Variants in EPB41L4A observed in about 807,000 individuals in gnomAD.
EPB41L4A encodes the protein band 4.1-like protein 4A.
Under a neutral mutation model 108.6 loss-of-function variants are expected in EPB41L4A, and 100 were observed. The ratio of observed to expected loss-of-function variants is 0.92; its 90% CI spans 0.78 to 1.09. The LOEUF is 1.09. EPB41L4A is among the 50% of genes least tolerant of loss of function. The pLI is 0.00. For missense variants in EPB41L4A, 1,030 were observed against 842.7 expected, an observed-to-expected ratio of 1.22 and a Z score of -2.75; for synonymous variants, 319 against 289.0, an observed-to-expected ratio of 1.10 and a Z score of -1.05.
intron 14 of EPB41L4A, 147 bp from the exon 15 acceptor site, chr5:112,204,635 T>A: frequency 2.0e-6 from 1 of 498,658 alleles, no homozygotes; most frequent in South Asian, 3.5e-5. Context: ...TGACAAGATT[T>A]ATTAAAAGAA....
chr5:112,409,061 CCAAA>C (rs1234274333), intron 1 of EPB41L4A, among the ~76,000 whole-genome samples: 26 of 152,100 alleles, frequency 1.7e-4, no homozygotes, highest in African/African-American at 6.3e-4. Flanking sequence ...TTTGTAATAG[CCAAA>C]CAGTGTAAAG....
intron 18 of EPB41L4A, among the ~76,000 whole-genome samples, chr5:112,180,953 G>A (rs1210506493): frequency 6.6e-6 from 1 of 152,098 alleles, no homozygotes; most frequent in Non-Finnish European, 1.5e-5. Flanking sequence ...ACAAAAATGT[G>A]GTTATCATCA....
chr5:112,333,511 A>G (rs950880787), intron 1 of EPB41L4A, among the ~76,000 whole-genome samples: 1 of 152,210 alleles, frequency 6.6e-6, no homozygotes, highest in Admixed American at 6.5e-5. Context: ...AAGCAGAGAC[A>G]ATCCAGGATG....
At chr5:112,271,868 T>C (rs982470008) in intron 4 of EPB41L4A, among the ~76,000 whole-genome samples, 4 of 152,170 alleles carry the variant, frequency 2.6e-5, no homozygotes, top group African/African-American at 9.7e-5. Context: ...AGCTGGCTGA[T>C]GTGTCAGAAA....
intron 18 of EPB41L4A, among the ~76,000 whole-genome samples, chr5:112,180,337 T>A (rs1199340897): frequency 6.6e-6 from 1 of 152,178 alleles, no homozygotes; most frequent in Non-Finnish European, 1.5e-5. Flanking sequence ...CAAGTCTTAC[T>A]ATAAAGCTAC....
chr5:112,369,656 T>C (rs1196836726), intron 1 of EPB41L4A, among the ~76,000 whole-genome samples: 1 of 152,222 alleles, frequency 6.6e-6, no homozygotes, highest in Non-Finnish European at 1.5e-5. Context: ...ATTGTATAAC[T>C]GCAGAAATGG....
Position 112,291,978 on chromosome 5 carries a change from C to T in EPB41L4A, c.205-11655G>A, listed in dbSNP as rs115357055. Among the ~76,000 whole-genome samples, 647 of 152,354 alleles carry T rather than the reference C, an allele frequency of 4.2e-3. 6 individuals are homozygous for T. Among genetic ancestry groups the T allele is most frequent in the African/African-American group, 0.015 (610 of 41,586 alleles). The stretch of plus-strand genomic sequence containing the variant: ...CAGGCCTCGGCCAGGAGCAGTGGCT[C>T]ACACCTGTAATTACATGGGTAGAGA... On this transcript the variant is annotated intron_variant, in intron 2 of 22. Coordinates refer to ENST00000261486, the MANE Select transcript of EPB41L4A (RefSeq NM_022140.5).
At chr5:112,369,837 C>G (rs1363337267) in intron 1 of EPB41L4A, among the ~76,000 whole-genome samples, 2 of 152,200 alleles carry the variant, frequency 1.3e-5, no homozygotes, top group Admixed American at 1.3e-4. Flanking sequence ...ATGGAGAAGG[C>G]TCACTGGCCT....
At chr5:112,178,719 C>G (rs530509309) in intron 18 of EPB41L4A, among the ~76,000 whole-genome samples, 1 of 151,550 alleles carries the variant, frequency 6.6e-6, no homozygotes, top group Non-Finnish European at 1.5e-5. Flanking sequence ...TTATTTTGAA[C>G]TGTATGATAA....
chr5:112,176,440 A>T (rs1401335578), intron 18 of EPB41L4A, among the ~76,000 whole-genome samples: 1 of 152,100 alleles, frequency 6.6e-6, no homozygotes, highest in Non-Finnish European at 1.5e-5. Flanking sequence ...CAAACCTAAC[A>T]AAGAGAAATC....
chr5:112,320,725 A>G (rs1404899375), intron 1 of EPB41L4A, among the ~76,000 whole-genome samples: 1 of 152,192 alleles, frequency 6.6e-6, no homozygotes, highest in East Asian at 1.9e-4. Flanking sequence ...CCCACTTTTT[A>G]TTCAGTGGCC....
intron 12 of EPB41L4A, among the ~76,000 whole-genome samples, chr5:112,233,907 T>C: frequency 6.6e-6 from 1 of 152,134 alleles, no homozygotes; most frequent in East Asian, 1.9e-4. Context: ...TAGCTCACTG[T>C]AACCCTGAAT....
At chr5:112,266,398 G>T in intron 4 of EPB41L4A, 68 bp from the exon 5 acceptor site, 1 of 1,059,786 alleles carries the variant, frequency 9.4e-7, no homozygotes, top group Non-Finnish European at 1.4e-6. Context: ...TTCGGACCCT[G>T]ATAATCAAGG....
chr5:112,169,422 A>C (rs1760446582), intron 20 of EPB41L4A, among the ~76,000 whole-genome samples: 1 of 152,186 alleles, frequency 6.6e-6, no homozygotes, highest in Non-Finnish European at 1.5e-5. Context: ...GAAGTAAACA[A>C]AATCTATAAT....
intron 1 of EPB41L4A, among the ~76,000 whole-genome samples, chr5:112,406,707 C>A (rs1023226465): frequency 1.3e-5 from 2 of 152,010 alleles, no homozygotes; most frequent in South Asian, 4.1e-4. Context: ...ACATGATGTT[C>A]GGCAAATTCT....
chr5:112,345,811 A>ACACG (rs1561591421), intron 1 of EPB41L4A, among the ~76,000 whole-genome samples: 1 of 150,246 alleles, frequency 6.7e-6, no homozygotes, highest in African/African-American at 2.5e-5. Flanking sequence ...ACACACACAC[A>ACACG]CACACACACA....
intron 21 of EPB41L4A, 85 bp downstream of exon 21, chr5:112,168,910 C>T: frequency 2.0e-6 from 3 of 1,487,106 alleles, no homozygotes; most frequent in Non-Finnish European, 2.8e-6. Context: ...AGATATAAAA[C>T]ATTTCCATCA....
chr5:112,202,370 C>T (rs945775333), intron 15 of EPB41L4A, among the ~76,000 whole-genome samples: 10 of 152,178 alleles, frequency 6.6e-5, no homozygotes, highest in African/African-American at 2.4e-4. Flanking sequence ...GCAGTAAAAG[C>T]AGCTAGATCT....
intron 12 of EPB41L4A, among the ~76,000 whole-genome samples, chr5:112,214,138 C>A (rs1747437461): frequency 6.6e-6 from 1 of 152,266 alleles, no homozygotes; most frequent in Non-Finnish European, 1.5e-5. Flanking sequence ...TCCAGAATCC[C>A]TCCTACATCA....
Sources: gnomAD v4.1 joint callset for allele counts (sites outside exome capture counted in the v4.1 genomes callset) on GRCh38, gnomAD v4.1.1 for gene constraint, MANE v1.5 for transcripts, NCBI Gene and HGNC (gene_info 2026-07-23, HGNC 2026-07-21) for gene names.